The following NCKAP1 variants were observed in gnomAD, a reference collection of about 807,000 sequenced individuals.
NCKAP1 encodes the protein nck-associated protein 1.
In NCKAP1, 21 loss-of-function variants were observed where a neutral mutation model predicts 151.2. That is an observed-to-expected ratio of 0.14 (90% confidence interval 0.10 to 0.20). NCKAP1 has a LOEUF of 0.20. Among genes scored for constraint, NCKAP1 ranks in the 10% least tolerant of loss-of-function variants. NCKAP1 has a pLI of 1.00. For synonymous variants in NCKAP1, 484 were observed against 451.8 expected, an observed-to-expected ratio of 1.07 and a Z score of -0.90; for missense variants, 933 against 1,352.1, an observed-to-expected ratio of 0.69 and a Z score of 4.86.
rs1405021628 is a variant in NCKAP1 at position 182,914,735 on chromosome 2, C to T, written c.*10967G>A. On this transcript the variant is annotated 3_prime_UTR_variant, in exon 31 of 31. Coordinates refer to ENST00000361354, the MANE Select transcript of NCKAP1 (RefSeq NM_013436.5). Reference sequence around the variant, plus strand: ...ATTCCCCTCTAATAAATTACCCCCACAGAAAATATGCTGTGAGGTGGGAAA... The same window carrying T: ...ATTCCCCTCTAATAAATTACCCCCATAGAAAATATGCTGTGAGGTGGGAAA... The T allele has an allele frequency of 6.6e-6, 1 of 152,150 alleles. No homozygotes were observed. The highest frequency in any genetic ancestry group is 6.5e-5 in the Admixed American group (1 of 15,272). 9.4% of individuals were successfully genotyped at this position (152,150 alleles called of 1,614,324 possible). A position where few individuals can be genotyped will look rare whatever the true frequency, so the allele number is the denominator to read the frequency against.
chr2:182,937,177 A>G (rs944799926), intron 24 of NCKAP1, among the ~76,000 whole-genome samples: 2 of 149,030 alleles, frequency 1.3e-5, no homozygotes, highest in African/African-American at 4.9e-5. Context: ...GACAAGATTC[A>G]GTGTGATATA....
rs898280018 is a variant in NCKAP1, at chr2:183,029,782, C to G, written c.109-5866G>C. On this transcript the variant is annotated intron_variant, in intron 1 of 30. Coordinates refer to ENST00000361354, the MANE Select transcript of NCKAP1 (RefSeq NM_013436.5). ...CTACAGTGAGCCCTGTTCACAACCACTGCAAACTCCAGCCTAGGCAAGAGT... is the reference window on the plus strand; with the variant it reads ...CTACAGTGAGCCCTGTTCACAACCAGTGCAAACTCCAGCCTAGGCAAGAGT... Among the ~76,000 whole-genome samples the G allele has an allele frequency of 2.9e-5, 4 of 137,612 alleles. No individual in the cohort carries two copies. The Admixed American group carries it at 3.1e-4, about 11-fold the overall frequency. 90.3% of individuals were successfully genotyped at this position (137,612 alleles called of 152,430 possible). A position where few individuals can be genotyped will look rare whatever the true frequency, so the allele number is the denominator to read the frequency against.
At chr2:183,005,115 G>A (rs926321150) in intron 2 of NCKAP1, among the ~76,000 whole-genome samples, 8 of 151,982 alleles carry the variant, frequency 5.3e-5, no homozygotes, top group African/African-American at 7.2e-5. Context: ...TACCTTATTC[G>A]ACAACATTAA....
At chr2:182,930,103 G>C (rs1352867623) in intron 27 of NCKAP1, among the ~76,000 whole-genome samples, 1 of 151,754 alleles carries the variant, frequency 6.6e-6, no homozygotes, top group Non-Finnish European at 1.5e-5. Flanking sequence ...CTTTGCTCTT[G>C]CCTCCAGCTG....
At chr2:182,989,994 AAT>A (rs748958173) in intron 8 of NCKAP1, among the ~76,000 whole-genome samples, 1 of 149,998 alleles carries the variant, frequency 6.7e-6, no homozygotes, top group Non-Finnish European at 1.5e-5. Context: ...TGTCTCAAAA[AAT>A]ATATATATAT....
chr2:182,974,182 A>G (rs1279098683), intron 15 of NCKAP1, among the ~76,000 whole-genome samples: 3 of 141,018 alleles, frequency 2.1e-5, no homozygotes, highest in Non-Finnish European at 4.5e-5. Context: ...TTTGTTCTCT[A>G]CTTCTAGTGA....
chr2:182,976,399 A>T (rs1697824696), intron 15 of NCKAP1, among the ~76,000 whole-genome samples: 2 of 152,200 alleles, frequency 1.3e-5, no homozygotes, highest in African/African-American at 4.8e-5. Flanking sequence ...TTGTTTTTAT[A>T]AATAGTTTTA....
At chr2:182,941,331 C>A (rs895727667) in intron 24 of NCKAP1, among the ~76,000 whole-genome samples, 10 of 152,142 alleles carry the variant, frequency 6.6e-5, no homozygotes, top group Admixed American at 4.6e-4. Flanking sequence ...ATACCTCCCA[C>A]AAAGAATCAA....
intron 14 of NCKAP1, among the ~76,000 whole-genome samples, chr2:182,977,341 T>C (rs745427480): frequency 3.3e-5 from 5 of 151,878 alleles, no homozygotes; most frequent in Non-Finnish European, 7.4e-5. Flanking sequence ...AATACAAAAA[T>C]TAGCTGGGTG....
rs1404071413 is a variant in NCKAP1 at position 183,022,105 on chromosome 2, AACAG to A, written c.219+1697_219+1700del. 2.6e-5 allele frequency among the ~76,000 whole-genome samples: 4 copies of A among 152,210 alleles called. No homozygotes were observed. In the East Asian group the frequency reaches 7.7e-4, roughly 29 times the overall value. ...GCAGATGCTTAATTGGTCTGCTGAC[AACAG>A]ACAATTTTACTGTTGTTTCACCAGA... On this transcript the variant is annotated intron_variant, in intron 2 of 30. Coordinates refer to ENST00000361354, the MANE Select transcript of NCKAP1 (RefSeq NM_013436.5).
chr2:183,027,000 CCT>C (rs1234476001), intron 1 of NCKAP1, among the ~76,000 whole-genome samples: 2 of 152,092 alleles, frequency 1.3e-5, no homozygotes, highest in African/African-American at 4.8e-5. Context: ...AATACAATCC[CCT>C]CTCTCAATCA....
At chr2:182,933,033 G>T (rs1351549676) in intron 26 of NCKAP1, among the ~76,000 whole-genome samples, 1 of 152,082 alleles carries the variant, frequency 6.6e-6, no homozygotes, top group East Asian at 1.9e-4. Context: ...TAGAAAAATA[G>T]AATTATAATA....
chr2:182,941,702 G>A lies in NCKAP1; in HGVS notation c.2695+368C>T, dbSNP rs80275046. Among the ~76,000 whole-genome samples the A allele has an allele frequency of 4.0e-3, 615 of 152,276 alleles. 7 individuals are homozygous for A. In the East Asian group the frequency reaches 0.064, roughly 16 times the overall value. On this transcript the variant is annotated intron_variant, in intron 24 of 30. Transcript: ENST00000361354. ...GCTTAAATGGTACATTTTATTGTAT[G>A]TAACTTATACGTATAAAGTTGATTT...
rs779791495 is a variant in NCKAP1 at position 182,910,955 on chromosome 2, C to CCCA, written c.*14746_*14747insTGG. The CCCA allele has an allele frequency of 9.5e-5, 14 of 147,806 alleles. 1 individual carries two copies. Among genetic ancestry groups the CCCA allele is most frequent in the African/African-American group, 3.2e-4 (13 of 40,592 alleles). The allele number at this position is 147,806 out of a possible 1,614,324, so 9.2% of individuals were successfully genotyped here. On this transcript the variant is annotated 3_prime_UTR_variant, in exon 31 of 31. Transcript: ENST00000361354. ...ATAAAAATAAAATCCTAAGCTCCCCCCCCACATTTGACTAAACAGACCCTC... is the reference window on the plus strand; with the variant it reads ...ATAAAAATAAAATCCTAAGCTCCCCCCCACCCACATTTGACTAAACAGACCCTC...
intron 17 of NCKAP1, among the ~76,000 whole-genome samples, chr2:182,962,635 T>A (rs1410847868): frequency 6.6e-6 from 1 of 152,150 alleles, no homozygotes; most frequent in African/African-American, 2.4e-5. Flanking sequence ...CAAACAGATT[T>A]AGAGTACTGT....
intron 26 of NCKAP1, chr2:182,934,438 T>C (rs1696831901): frequency 6.0e-6 from 1 of 167,056 alleles, no homozygotes; most frequent in Admixed American, 6.5e-5. Context: ...TGAGCCACCG[T>C]GCCTGGCCAC....
chr2:183,017,017 G>C (rs1698702140), intron 2 of NCKAP1, among the ~76,000 whole-genome samples: 1 of 152,112 alleles, frequency 6.6e-6, no homozygotes, highest in South Asian at 2.1e-4. Flanking sequence ...TAAGTGGATG[G>C]TGACAGCTCA....
At chr2:183,024,117 T>G (rs1299843442) in intron 1 of NCKAP1, among the ~76,000 whole-genome samples, 1 of 151,270 alleles carries the variant, frequency 6.6e-6, no homozygotes, top group Non-Finnish European at 1.5e-5. Flanking sequence ...CTGAAAAAAA[T>G]GCATGGAAAG....
At chr2:183,005,842 C>A (rs1247457360) in intron 2 of NCKAP1, among the ~76,000 whole-genome samples, 3 of 152,174 alleles carry the variant, frequency 2.0e-5, no homozygotes, top group Non-Finnish European at 2.9e-5. Flanking sequence ...ATGTCAGAAT[C>A]CCACCATTTA....
Sources: allele counts gnomAD v4.1 joint callset (sites outside exome capture counted in the v4.1 genomes callset), GRCh38; gene constraint gnomAD v4.1.1; transcripts MANE v1.5; gene names NCBI Gene and HGNC (gene_info 2026-07-23, HGNC 2026-07-21).